Variants in CLUAP1 observed in about 807,000 individuals in gnomAD.
CLUAP1 encodes the protein clusterin-associated protein 1.
In CLUAP1, 50 loss-of-function variants were observed where a neutral mutation model predicts 55.0. That is an observed-to-expected ratio of 0.91 (90% CI 0.72 to 1.15). The LOEUF (loss-of-function observed/expected upper bound fraction) is 1.15, where lower values mean the gene tolerates loss of function less well. CLUAP1 is among the 50% of genes most tolerant of loss of function. The pLI is 0.00. For synonymous variants in CLUAP1, 195 were observed against 175.4 expected, an observed-to-expected ratio of 1.11 and a Z score of -0.88; for missense variants, 530 against 507.6, an observed-to-expected ratio of 1.04 and a Z score of -0.42.
chr16:3,537,361 C>T lies in CLUAP1; in HGVS notation c.*1090C>T, dbSNP rs576548250. On this transcript the variant is annotated 3_prime_UTR_variant, in exon 12 of 12. Transcript: ENST00000576634. ...GTTGGTTTTTTTCTTTTTTCTTCTT[C>T]TTTTTTTTTAATATGAAAAGTACTT... 6.6e-6 allele frequency: 1 copy of T among 151,016 alleles called. No individual in the cohort carries two copies. The highest frequency in any genetic ancestry group is 1.5e-5 in the Non-Finnish European group (1 of 67,678). The allele number at this position is 151,016 out of a possible 1,614,324, so 9.4% of individuals were successfully genotyped here. A position where few individuals can be genotyped will look rare whatever the true frequency, so the allele number is the denominator to read the frequency against.
intron 2 of CLUAP1, among the ~76,000 whole-genome samples, chr16:3,505,455 G>A (rs1394049739): frequency 6.6e-5 from 10 of 151,908 alleles, no homozygotes; most frequent in African/African-American, 2.2e-4. Flanking sequence ...GAGTGAACCC[G>A]GGAGGCGGAG....
chr16:3,498,687 G>A (rs1411219238), upstream of CLUAP1, among the ~76,000 whole-genome samples: 1 of 151,906 alleles, frequency 6.6e-6, no homozygotes, highest in East Asian at 1.9e-4. Context: ...GTGAAAGCCC[G>A]TCTCTACTAA....
At chr16:3,496,144 A>C (rs567908604), upstream of CLUAP1, 967 of 407,506 alleles carry the variant, frequency 2.4e-3, 1 homozygote, top group Non-Finnish European at 3.1e-3. Context: ...CCGTCTCAAA[A>C]AAAAAAAAAA....
chr16:3,528,330 T>C (rs1379264376), intron 9 of CLUAP1, among the ~76,000 whole-genome samples: 1 of 151,626 alleles, frequency 6.6e-6, no homozygotes, highest in Non-Finnish European at 1.5e-5. Context: ...TCTCTCTCTC[T>C]TTCTCTTTCT....
intron 4 of CLUAP1, among the ~76,000 whole-genome samples, chr16:3,511,185 C>T (rs746939900): frequency 6.6e-6 from 1 of 152,176 alleles, no homozygotes; most frequent in Non-Finnish European, 1.5e-5. Context: ...AAGCCATCAG[C>T]TGCAAATGAA....
intron 2 of CLUAP1, among the ~76,000 whole-genome samples, chr16:3,506,055 G>A (rs2037500236): frequency 6.6e-6 from 1 of 152,230 alleles, no homozygotes; most frequent in African/African-American, 2.4e-5. Context: ...CAGGGTAGCA[G>A]TTCTGATTAG....
Position 3,532,814 on chromosome 16 carries a change from G to T in CLUAP1, c.1065G>T (p.Thr355=), listed in dbSNP as rs34157154. Residue 355 remains threonine, a synonymous_variant, in exon 11 of 12, where the codon ACG becomes ACT. Transcript: ENST00000576634. ...GACCTGGCAAACGCATTGTGGGCAC[G>T]ATGCAAGGTGGAGACTCCGATGACA... ...QGRPGKRIVG[T]MQGGDSDDNE... is the part of the protein sequence containing the mutation. The T allele has an allele frequency of 1.9e-6, 3 of 1,613,958 alleles. No homozygotes were observed. The highest frequency in any genetic ancestry group is 1.1e-5 in the South Asian group (1 of 91,082).
intron 7 of CLUAP1, among the ~76,000 whole-genome samples, chr16:3,520,300 A>G (rs1264152958): frequency 6.6e-6 from 1 of 152,052 alleles, no homozygotes; most frequent in African/African-American, 2.4e-5. Flanking sequence ...TGAGCCCAGG[A>G]GGTTGAGGCT....
At chr16:3,497,132 A>G (rs943627590), upstream of CLUAP1, among the ~76,000 whole-genome samples, 1 of 151,838 alleles carries the variant, frequency 6.6e-6, no homozygotes, top group Non-Finnish European at 1.5e-5. Context: ...CGGCCTCCCA[A>G]AGTGCTGGGA....
At position 3,532,839 on chromosome 16, in the gene CLUAP1, A is replaced by G. The variant is rs2038154099; in HGVS notation, c.1090A>G (p.Asn364Asp). Residue 364 changes from asparagine (N) to aspartate (D), a missense_variant and splice_region_variant, in exon 11 of 12, where the codon AAT becomes GAT. Asn to Asp is a conservative substitution (Grantham distance 23). Coordinates refer to ENST00000576634, the MANE Select transcript of CLUAP1 (RefSeq NM_015041.3). ...GTMQGGDSDD[N>D]EDSEESEIDM... ...GATGCAAGGTGGAGACTCCGATGACAATGTAAGTCCCCCGCTCCCCTCAGT... is the reference window on the plus strand; with the variant it reads ...GATGCAAGGTGGAGACTCCGATGACGATGTAAGTCCCCCGCTCCCCTCAGT... 6.2e-7 allele frequency: 1 copy of G among 1,614,100 alleles called. No individual in the cohort carries two copies. The highest frequency in any genetic ancestry group is 8.5e-7 in the Non-Finnish European group (1 of 1,179,982).
intron 4 of CLUAP1, 90 bp downstream of exon 4, chr16:3,508,558 T>C: frequency 1.6e-6 from 2 of 1,217,178 alleles, no homozygotes; most frequent in Non-Finnish European, 2.2e-6. Flanking sequence ...TCCGCTGCTT[T>C]TCTTCCTCCT....
upstream of CLUAP1, chr16:3,496,591 C>G (rs1042527937): frequency 1.9e-6 from 1 of 535,776 alleles, no homozygotes; most frequent in Admixed American, 2.0e-5. Flanking sequence ...TGGCCCTGGA[C>G]TCCCTCAAGG....
intron 11 of CLUAP1, chr16:3,535,570 C>CT (rs963337540): frequency 6.6e-6 from 1 of 152,112 alleles, no homozygotes; most frequent in Non-Finnish European, 1.5e-5. Flanking sequence ...CCCTTTTTTT[C>CT]TTTTTTTTCT....
At chr16:3,503,354 G>A (rs1222251121) in intron 1 of CLUAP1, among the ~76,000 whole-genome samples, 2 of 152,066 alleles carry the variant, frequency 1.3e-5, no homozygotes, top group South Asian at 2.1e-4. Flanking sequence ...TAGTAGAGAC[G>A]GGGTTTCACC....
chr16:3,496,391 G>A (rs879045136), upstream of CLUAP1: 2 of 1,133,340 alleles, frequency 1.8e-6, no homozygotes. Context: ...ACCTCTGTCC[G>A]TTTCCCGGAT....
chr16:3,524,858 C>G (rs1431677824), intron 8 of CLUAP1, among the ~76,000 whole-genome samples: 2 of 152,080 alleles, frequency 1.3e-5, no homozygotes, highest in Admixed American at 6.6e-5. Flanking sequence ...GGAAATTGAA[C>G]CAAGTTGTGA....
At chr16:3,522,765 G>C (rs546012448) in intron 7 of CLUAP1, among the ~76,000 whole-genome samples, 4 of 152,116 alleles carry the variant, frequency 2.6e-5, no homozygotes, top group African/African-American at 9.6e-5. Context: ...ATGAAATAAA[G>C]ATTATAAAAT....
At chr16:3,527,759 G>A (rs2037975040) in intron 9 of CLUAP1, among the ~76,000 whole-genome samples, 1 of 152,106 alleles carries the variant, frequency 6.6e-6, no homozygotes, top group South Asian at 2.1e-4. Flanking sequence ...AGTACTAAAA[G>A]TCTCTGATAA....
rs1207024572 is a variant in CLUAP1, at chr16:3,536,284, G to C, written c.*13G>C. On this transcript the variant is annotated 3_prime_UTR_variant, in exon 12 of 12. Coordinates refer to ENST00000576634, the MANE Select transcript of CLUAP1 (RefSeq NM_015041.3). Reference sequence around the variant, plus strand: ...CAATGACTTCTGACCCTTTTGCCAAGGGACCCTGGCAGATTAAAACCCTCA... The same window carrying C: ...CAATGACTTCTGACCCTTTTGCCAACGGACCCTGGCAGATTAAAACCCTCA... The C allele has an allele frequency of 1.2e-6, 2 of 1,613,318 alleles. No individual in the cohort carries two copies. The highest frequency in any genetic ancestry group is 1.7e-6 in the Non-Finnish European group (2 of 1,179,508).
Sources: gnomAD v4.1 joint callset for allele counts (sites outside exome capture counted in the v4.1 genomes callset) on GRCh38, gnomAD v4.1.1 for gene constraint, MANE v1.5 for transcripts, NCBI Gene and HGNC (gene_info 2026-07-23, HGNC 2026-07-21) for gene names.